Variants in MEGF11 observed in about 807,000 individuals in gnomAD.
MEGF11 encodes multiple EGF like domains 11, also known as multiple epidermal growth factor-like domains protein 11.
MEGF11 carries 126 observed loss-of-function variants against 146.6 expected under a neutral mutation model. That is an observed-to-expected ratio of 0.86 (90% CI 0.74 to 1.00). The LOEUF (loss-of-function observed/expected upper bound fraction) is 1.00. Among genes scored for constraint, MEGF11 ranks in the 50% least tolerant of loss-of-function variants. The pLI is 0.00. For missense variants in MEGF11, 1,509 were observed against 1,521.2 expected (o/e 0.99, Z 0.13); for synonymous variants, 532 against 583.4 (o/e 0.91, Z 1.27).
At chr15:65,941,130 A>G (rs2079976549) in intron 10 of MEGF11, among the ~76,000 whole-genome samples, 1 of 152,150 alleles carries the variant, frequency 6.6e-6, no homozygotes, top group African/African-American at 2.4e-5. Flanking sequence ...TTTCAGAGAG[A>G]TCTGGCTGGG....
At chr15:65,943,002 T>C (rs1484200921) in intron 10 of MEGF11, among the ~76,000 whole-genome samples, 1 of 142,466 alleles carries the variant, frequency 7.0e-6, no homozygotes, top group African/African-American at 2.7e-5. Flanking sequence ...TTTTTTTTTT[T>C]TTAACACGGA....
intron 1 of MEGF11, among the ~76,000 whole-genome samples, chr15:66,244,177 T>C (rs1436330346): frequency 6.6e-6 from 1 of 152,128 alleles, no homozygotes; most frequent in Non-Finnish European, 1.5e-5. Flanking sequence ...CTTGCTATGG[T>C]CTCACACCTC....
intron 5 of MEGF11, among the ~76,000 whole-genome samples, chr15:66,045,375 T>C (rs2084163635): frequency 6.6e-6 from 1 of 152,124 alleles, no homozygotes; most frequent in African/African-American, 2.4e-5. Flanking sequence ...AGGGGAGGGA[T>C]GGGGAGTCTG....
chr15:66,062,238 G>A (rs1436602450), intron 5 of MEGF11, among the ~76,000 whole-genome samples: 1 of 152,260 alleles, frequency 6.6e-6, no homozygotes, highest in African/African-American at 2.4e-5. Flanking sequence ...CTCCCATCTT[G>A]AGTATGGGCT....
At position 66,200,828 on chromosome 15, in the gene MEGF11, C is replaced by T. The variant is rs577149191; in HGVS notation, c.-9+52777G>A. Among the ~76,000 whole-genome samples, 86 of 152,182 alleles carry T rather than the reference C, an allele frequency of 5.7e-4. 1 individual carries two copies. In the South Asian group the frequency reaches 0.016, roughly 29 times the overall value. On this transcript the variant is annotated intron_variant, in intron 1 of 25. Coordinates refer to ENST00000395614, the MANE Select transcript of MEGF11 (RefSeq NM_001385028.1). ...CACTCTGAGGTAGGGGTTGGTGAAT[C>T]GCCTCTGAGGTTCCTTCCAGCCCTA...
chr15:66,137,638 G>C (rs1053520739), intron 1 of MEGF11, among the ~76,000 whole-genome samples: 7 of 147,132 alleles, frequency 4.8e-5, no homozygotes. Flanking sequence ...CTGCAGCTTT[G>C]ACCTCCCTGG....
chr15:66,018,989 C>T (rs2082998856), intron 5 of MEGF11, among the ~76,000 whole-genome samples: 1 of 152,204 alleles, frequency 6.6e-6, no homozygotes, highest in Non-Finnish European at 1.5e-5. Flanking sequence ...AGATGGGGAC[C>T]TCTTAGATGG....
chr15:66,063,946 T>C (rs955622473), intron 5 of MEGF11, among the ~76,000 whole-genome samples: 5 of 152,200 alleles, frequency 3.3e-5, no homozygotes, highest in Non-Finnish European at 7.3e-5. Context: ...ACATTATAGG[T>C]TCAAGGTTGC....
intron 1 of MEGF11, among the ~76,000 whole-genome samples, chr15:66,182,182 G>T (rs1246353225): frequency 6.6e-6 from 1 of 152,090 alleles, no homozygotes; most frequent in Admixed American, 6.6e-5. Context: ...CGGGACCAAC[G>T]GCAAATAGAG....
intron 10 of MEGF11, among the ~76,000 whole-genome samples, chr15:65,955,793 T>TATATATATATATATACAC (rs1555455862): frequency 1.5e-4 from 1 of 6,774 alleles, no homozygotes; most frequent in African/African-American, 3.2e-4. Flanking sequence ...TATATATATA[T>TATATATATATATATACAC]ACACACACAC....
chr15:66,171,779 C>A (rs1427569788), intron 1 of MEGF11, among the ~76,000 whole-genome samples: 1 of 151,916 alleles, frequency 6.6e-6, no homozygotes, highest in African/African-American at 2.4e-5. Context: ...CCCCCCACCC[C>A]CAGCGCTCAC....
At chr15:66,040,855 G>A (rs751190458) in intron 5 of MEGF11, among the ~76,000 whole-genome samples, 1 of 151,850 alleles carries the variant, frequency 6.6e-6, no homozygotes, top group Non-Finnish European at 1.5e-5. Context: ...GGAAAATGGG[G>A]CTGAAATCTA....
chr15:66,223,388 A>G (rs1024011852), intron 1 of MEGF11, among the ~76,000 whole-genome samples: 2 of 152,110 alleles, frequency 1.3e-5, no homozygotes, highest in African/African-American at 4.8e-5. Context: ...TTTTTGGGGT[A>G]ATTGTGGGAT....
intron 10 of MEGF11, among the ~76,000 whole-genome samples, chr15:65,950,550 C>T (rs1596891219): frequency 6.6e-6 from 1 of 151,834 alleles, no homozygotes; most frequent in East Asian, 1.9e-4. Context: ...CACTGCATTC[C>T]AGCCTGGGCA....
At chr15:66,241,309 T>C (rs1298570751) in intron 1 of MEGF11, among the ~76,000 whole-genome samples, 7 of 152,180 alleles carry the variant, frequency 4.6e-5, no homozygotes, top group African/African-American at 7.2e-5. Flanking sequence ...CTTCTGGGGC[T>C]TCTATCCTGC....
At chr15:65,976,787 A>G (rs1316372313) in intron 7 of MEGF11, among the ~76,000 whole-genome samples, 2 of 152,098 alleles carry the variant, frequency 1.3e-5, no homozygotes, top group African/African-American at 4.8e-5. Context: ...GGGTAAGGTG[A>G]TATTTTCTGT....
At chr15:66,032,737 T>C (rs2083571448) in intron 5 of MEGF11, among the ~76,000 whole-genome samples, 1 of 152,182 alleles carries the variant, frequency 6.6e-6, no homozygotes, top group Non-Finnish European at 1.5e-5. Flanking sequence ...GGGAGAAATA[T>C]CTAAGCTGCA....
rs541245343 is a variant in MEGF11, at chr15:66,224,373, G to A, written c.-9+29232C>T. Among the ~76,000 whole-genome samples, 49 of 152,028 alleles carry A rather than the reference G, an allele frequency of 3.2e-4. 1 individual carries two copies. In the South Asian group the frequency reaches 8.9e-3, roughly 28 times the overall value. ...GTGGATCACTTGAGGCCGGGAGTTC[G>A]AGACCAGCCTGGCCAACATGGCAAA... On this transcript the variant is annotated intron_variant, in intron 1 of 25. Coordinates refer to ENST00000395614, the MANE Select transcript of MEGF11 (RefSeq NM_001385028.1).
chr15:66,191,160 T>TC (rs2090862852), intron 1 of MEGF11, among the ~76,000 whole-genome samples: 1 of 151,246 alleles, frequency 6.6e-6, no homozygotes, highest in South Asian at 2.1e-4. Flanking sequence ...ACTATATCCC[T>TC]CCCCCCGCCA....
Sources: gnomAD v4.1 joint callset for allele counts (sites outside exome capture counted in the v4.1 genomes callset) on GRCh38, gnomAD v4.1.1 for gene constraint, MANE v1.5 for transcripts, NCBI Gene and HGNC (gene_info 2026-07-23, HGNC 2026-07-21) for gene names.